The following CHRNA5 variants were observed in gnomAD, a reference collection of about 807,000 sequenced individuals.
The protein encoded by CHRNA5 is neuronal acetylcholine receptor subunit alpha-5.
In CHRNA5, 28 loss-of-function variants were observed where a neutral mutation model predicts 41.2. That is an observed-to-expected ratio of 0.68 (90% CI 0.50 to 0.93). The LOEUF (loss-of-function observed/expected upper bound fraction) is 0.93. CHRNA5 is among the 40% of genes least tolerant of loss of function. The probability of loss-of-function intolerance (pLI) is 0.00; values close to 1 mark genes in which losing one functional copy is unlikely to be tolerated. For synonymous variants in CHRNA5, 188 were observed against 205.8 expected, an observed-to-expected ratio of 0.91 and a Z score of 0.74; for missense variants, 481 against 581.9, an observed-to-expected ratio of 0.83 and a Z score of 1.78.
chr15:78,571,086 A>G (rs2052800424), intron 1 of CHRNA5, among the ~76,000 whole-genome samples: 1 of 152,228 alleles, frequency 6.6e-6, no homozygotes, highest in African/African-American at 2.4e-5. Flanking sequence ...AGTAGGTCAG[A>G]AGCAGGGCCT....
chr15:78,567,681 C>G (rs1490716511), intron 1 of CHRNA5, among the ~76,000 whole-genome samples: 2 of 152,120 alleles, frequency 1.3e-5, no homozygotes, highest in Non-Finnish European at 2.9e-5. Flanking sequence ...ATGTAGGAGC[C>G]CAGTGAAGGT....
intron 2 of CHRNA5, among the ~76,000 whole-genome samples, chr15:78,584,142 G>T (rs1209563447): frequency 6.6e-6 from 1 of 152,112 alleles, no homozygotes; most frequent in Non-Finnish European, 1.5e-5. Context: ...GAAGGGTGAG[G>T]GCTCTGGAGA....
chr15:78,568,065 T>G (rs957208273), intron 1 of CHRNA5, among the ~76,000 whole-genome samples: 2 of 151,010 alleles, frequency 1.3e-5, no homozygotes, highest in Non-Finnish European at 3.0e-5. Context: ...CAACTTTAAG[T>G]TTTTTAAGTT....
At chr15:78,590,556 T>C (rs2053003876) in exon 5 of CHRNA5, 1 of 1,614,082 alleles carries the variant, frequency 6.2e-7, no homozygotes, top group Admixed American at 1.7e-5. Context: ...ACCAAAATCT[T>C]CTAGAAACAC....
At chr15:78,576,397 C>T (rs1389245722) in intron 1 of CHRNA5, among the ~76,000 whole-genome samples, 6 of 152,160 alleles carry the variant, frequency 3.9e-5, no homozygotes, top group African/African-American at 1.2e-4. Flanking sequence ...CCATTTGCCT[C>T]GGCCTCCCAA....
At chr15:78,589,888 A>G (rs200503890) in exon 5 of CHRNA5, 21 of 1,614,164 alleles carry the variant, frequency 1.3e-5, no homozygotes, top group South Asian at 3.3e-5. Flanking sequence ...CCGGCAAACT[A>G]CAAAAGTTCC....
chr15:78,578,695 A>G (rs2052881614), intron 1 of CHRNA5, among the ~76,000 whole-genome samples: 1 of 152,132 alleles, frequency 6.6e-6, no homozygotes, highest in Non-Finnish European at 1.5e-5. Flanking sequence ...TCATAAAGAG[A>G]AGATTTTGTG....
Position 78,580,805 on chromosome 15 carries a change from A to T in CHRNA5, c.107-6A>T, listed in dbSNP as rs200692387. 9.2e-5 allele frequency: 148 copies of T among 1,606,646 alleles called. No individual in the cohort carries two copies. The African/African-American group carries it at 1.7e-3, about 18-fold the overall frequency. On this transcript the variant is annotated splice_region_variant and splice_polypyrimidine_tract_variant and intron_variant, in intron 1 of 5. Coordinates refer to ENST00000299565, the Ensembl canonical transcript of CHRNA5. ...GTACATTAACTTTTAAAAATTTGTT[A>T]TACAGGATTATCTGAACCTTCTTCT... is the stretch of plus-strand genomic sequence containing the variant.
chr15:78,589,356 C>T (rs1315225397), intron 4 of CHRNA5: 1 of 153,736 alleles, frequency 6.5e-6, no homozygotes, highest in African/African-American at 2.4e-5. Flanking sequence ...TTTTCAGGGT[C>T]ATGCCCAGCT....
intron 1 of CHRNA5, among the ~76,000 whole-genome samples, chr15:78,577,611 C>T (rs542152906): frequency 1.3e-5 from 2 of 152,252 alleles, no homozygotes; most frequent in East Asian, 3.9e-4. Flanking sequence ...TTCCCCCACT[C>T]AGGCAAAGGT....
chr15:78,590,368 T>C, exon 5 of CHRNA5: 1 of 1,614,234 alleles, frequency 6.2e-7, no homozygotes, highest in Non-Finnish European at 8.5e-7. Context: ...TTTGTGACAC[T>C]GTCAATTATG....
chr15:78,579,938 G>C (rs1366851631), intron 1 of CHRNA5, among the ~76,000 whole-genome samples: 1 of 152,074 alleles, frequency 6.6e-6, no homozygotes, highest in Non-Finnish European at 1.5e-5. Flanking sequence ...TAGTAGCAAA[G>C]TATGTCAAAG....
intron 1 of CHRNA5, among the ~76,000 whole-genome samples, chr15:78,574,001 G>T (rs1399719057): frequency 7.7e-6 from 1 of 129,820 alleles, no homozygotes; most frequent in Non-Finnish European, 1.6e-5. Flanking sequence ...TTTTAGTAGA[G>T]ACAGGGTTTC....
Position 78,585,275 on chromosome 15 carries a change from C to G in CHRNA5, c.259-1370C>G, listed in dbSNP as rs534364285. Among the ~76,000 whole-genome samples, 3 of 152,180 alleles carry G rather than the reference C, an allele frequency of 2.0e-5. No homozygotes were observed. In the South Asian group the frequency reaches 6.2e-4, roughly 32 times the overall value. On this transcript the variant is annotated intron_variant, in intron 2 of 5. Transcript: ENST00000299565. ...GGAACTGCAGTGTAAGAGAGATGGC[C>G]GTGCTGCATTTCCCAGTACTCATTC... is the stretch of plus-strand genomic sequence containing the variant.
chr15:78,589,198 T>C (rs1567061904), intron 4 of CHRNA5: 1 of 152,268 alleles, frequency 6.6e-6, no homozygotes, highest in African/African-American at 2.4e-5. Context: ...TATTACAGAA[T>C]AGTGTGCAAA....
chr15:78,572,048 G>A (rs950585944), intron 1 of CHRNA5, among the ~76,000 whole-genome samples: 1 of 152,098 alleles, frequency 6.6e-6, no homozygotes, highest in African/African-American at 2.4e-5. Context: ...GAGACTTCAG[G>A]GGTAGATTAA....
At chr15:78,586,674 C>T (rs75600623) in exon 3 of CHRNA5, 102 of 1,602,638 alleles carry the variant, frequency 6.4e-5, no homozygotes, top group East Asian at 1.1e-4. Context: ...TGACAACAAA[C>T]GTCTGGTTGA....
At chr15:78,587,732 T>C (rs1021470764) in intron 3 of CHRNA5, among the ~76,000 whole-genome samples, 9 of 152,196 alleles carry the variant, frequency 5.9e-5, no homozygotes, top group Admixed American at 2.0e-4. Context: ...ACCATACATA[T>C]GTCCTAACTG....
intron 1 of CHRNA5, among the ~76,000 whole-genome samples, chr15:78,580,279 C>CAAA (rs71148541): frequency 0.13 from 7,742 of 61,880 alleles, 1,019 homozygotes; most frequent in African/African-American, 0.22. Context: ...GACTCCGTCT[C>CAAA]AAAAAAAAAA....
Sources: gnomAD v4.1 joint callset for allele counts (sites outside exome capture counted in the v4.1 genomes callset) on GRCh38, gnomAD v4.1.1 for gene constraint, MANE v1.5 for transcripts, NCBI Gene and HGNC (gene_info 2026-07-23, HGNC 2026-07-21) for gene names.